Variants in TRIM4 observed in about 807,000 individuals in gnomAD.
TRIM4 encodes the protein E3 ubiquitin-protein ligase TRIM4.
A neutral mutation model predicts 33.7 loss-of-function variants in TRIM4; 29 were observed. The observed-to-expected ratio is 0.86, with a 90% CI of 0.64 to 1.17. TRIM4 has a LOEUF of 1.17. TRIM4 is among the 50% of genes most tolerant of loss of function. The probability of loss-of-function intolerance (pLI) is 0.00; values close to 1 mark genes in which losing one functional copy is unlikely to be tolerated. For synonymous variants in TRIM4, 224 were observed against 233.0 expected (o/e 0.96, Z 0.35); for missense variants, 554 against 593.7 (o/e 0.93, Z 0.69).
chr7:99,906,607 A>T (rs531486074), intron 3 of TRIM4, among the ~76,000 whole-genome samples: 135 of 152,328 alleles, frequency 8.9e-4, no homozygotes, highest in Non-Finnish European at 1.6e-3. Flanking sequence ...CAGCAAACAA[A>T]GGGGTAAATA....
In TRIM4 at chr7:99,890,403, TA is replaced by T. The variant is rs1229067315; in HGVS notation, c.*1759del. The T allele has an allele frequency of 6.6e-6, 1 of 152,152 alleles. No individual in the cohort carries two copies. Among genetic ancestry groups the T allele is most frequent in the South Asian group, 2.1e-4 (1 of 4,828 alleles). 9.4% of individuals were successfully genotyped at this position (152,152 alleles called of 1,614,324 possible). A position where few individuals can be genotyped will look rare whatever the true frequency, so the allele number is the denominator to read the frequency against. On this transcript the variant is annotated 3_prime_UTR_variant, in exon 6 of 6. Transcript: ENST00000349062. Reference sequence around the variant, plus strand: ...AATACCCAAAGACATCATTCAACCATAGAGACATATGCATGTATATATTCAT... The same window carrying T: ...AATACCCAAAGACATCATTCAACCATGAGACATATGCATGTATATATTCAT...
chr7:99,900,878 A>G (rs559317865), intron 5 of TRIM4, among the ~76,000 whole-genome samples: 1 of 152,146 alleles, frequency 6.6e-6, no homozygotes, highest in East Asian at 1.9e-4. Context: ...TCTTTTTAAC[A>G]CTGGTTTCCA....
intron 1 of TRIM4, among the ~76,000 whole-genome samples, chr7:99,915,746 CACCTACGAAGTCA>C (rs1819542920): frequency 6.6e-6 from 1 of 152,202 alleles, no homozygotes; most frequent in African/African-American, 2.4e-5. Context: ...GGCTCCTGAA[CACCTACGAAGTCA>C]ACCTTGTGAC....
chr7:99,894,310 A>G (rs1027596936), intron 5 of TRIM4, among the ~76,000 whole-genome samples: 3 of 152,198 alleles, frequency 2.0e-5, no homozygotes, highest in Admixed American at 6.5e-5. Context: ...TCAATTTTCA[A>G]TAGGAGTTCT....
chr7:99,896,465 T>A (rs1187124104), intron 5 of TRIM4, among the ~76,000 whole-genome samples: 1 of 152,258 alleles, frequency 6.6e-6, no homozygotes, highest in Non-Finnish European at 1.5e-5. Context: ...ATAATCTGCA[T>A]GCTTTTTACA....
intron 1 of TRIM4, among the ~76,000 whole-genome samples, chr7:99,911,676 G>A (rs1384066953): frequency 6.6e-6 from 1 of 152,152 alleles, no homozygotes; most frequent in Non-Finnish European, 1.5e-5. Context: ...TGGAGCAACT[G>A]GAACTCTTAC....
In TRIM4 at chr7:99,892,229, G is replaced by C; in HGVS notation, c.1359C>G (p.Leu453=). The C allele has an allele frequency of 1.2e-6, 2 of 1,614,128 alleles. No individual in the cohort carries two copies. Among genetic ancestry groups the C allele is most frequent in the Non-Finnish European group, 1.7e-6 (2 of 1,180,028 alleles). Residue 453 remains leucine, a synonymous_variant, in exon 6 of 6, where the codon CTC becomes CTG. Transcript: ENST00000349062. ...HTFSCSSVSR[L]RPFFWLSPLA... Reference sequence around the variant, plus strand: ...ATGGACTCAACCAAAAAAATGGCCGGAGGCGTGAGACAGAAGAACAAGAAA... The same window carrying C: ...ATGGACTCAACCAAAAAAATGGCCGCAGGCGTGAGACAGAAGAACAAGAAA...
At chr7:99,911,241 T>C (rs1819435702) in intron 1 of TRIM4, among the ~76,000 whole-genome samples, 2 of 152,136 alleles carry the variant, frequency 1.3e-5, no homozygotes. Flanking sequence ...GGATCAAGGC[T>C]AGAACTGGCA....
chr7:99,906,735 C>T (rs1183338928), intron 3 of TRIM4, among the ~76,000 whole-genome samples: 1 of 152,028 alleles, frequency 6.6e-6, no homozygotes, highest in Non-Finnish European at 1.5e-5. Flanking sequence ...TCCCCGAACA[C>T]TTTGGGAGAT....
At position 99,918,282 on chromosome 7, in the gene TRIM4, T is replaced by C. The variant is rs868185945; in HGVS notation, c.393+727A>G. ...TGAAAAAGGAGTATAAAATATCTCA[T>C]TGAGGCCGGGCGTGGTGACTCACAC... On this transcript the variant is annotated intron_variant, in intron 1 of 5. Transcript: ENST00000349062. Among the ~76,000 whole-genome samples the C allele has an allele frequency of 3.3e-5, 5 of 152,190 alleles. No homozygotes were observed. The South Asian group carries it at 1.0e-3, about 31-fold the overall frequency.
chr7:99,897,101 A>G (rs1819033053), intron 5 of TRIM4, among the ~76,000 whole-genome samples: 2 of 152,248 alleles, frequency 1.3e-5, no homozygotes, highest in Admixed American at 6.5e-5. Flanking sequence ...AGTTAGGACT[A>G]TCATGACTAA....
At chr7:99,907,073 C>A (rs1452363919) in intron 3 of TRIM4, among the ~76,000 whole-genome samples, 1 of 152,114 alleles carries the variant, frequency 6.6e-6, no homozygotes, top group Non-Finnish European at 1.5e-5. Flanking sequence ...TACAGTAGTT[C>A]TCTCAGGCTC....
chr7:99,900,212 G>A (rs1413633283), intron 5 of TRIM4, among the ~76,000 whole-genome samples: 7 of 152,226 alleles, frequency 4.6e-5, no homozygotes, highest in East Asian at 3.8e-4. Flanking sequence ...AAGGCCATTA[G>A]GCAGGAAGAG....
At chr7:99,908,221 G>A (rs1363462285) in intron 3 of TRIM4, 2 of 174,848 alleles carry the variant, frequency 1.1e-5, no homozygotes, top group Non-Finnish European at 2.4e-5. Context: ...TCTCTTAATT[G>A]TTGATAACAG....
At chr7:99,909,133 GGTGTGTGTGTGT>G (rs140032652) in intron 2 of TRIM4, among the ~76,000 whole-genome samples, 2 of 148,410 alleles carry the variant, frequency 1.3e-5, no homozygotes, top group African/African-American at 5.0e-5. Flanking sequence ...GGAGTGTGAG[GGTGTGTGTGTGT>G]GTGTGTGTGT....
rs780704246 is a variant in TRIM4, at chr7:99,890,954, G to A, written c.*1209C>T. On this transcript the variant is annotated 3_prime_UTR_variant, in exon 6 of 6. Coordinates refer to ENST00000349062, the MANE Select transcript of TRIM4 (RefSeq NM_033091.3). Reference sequence around the variant, plus strand: ...TGGGAGAAAATATATTGAAATGTTAGTAGTGCATAACTTTAATTTTTATAC... The same window carrying A: ...TGGGAGAAAATATATTGAAATGTTAATAGTGCATAACTTTAATTTTTATAC... The A allele has an allele frequency of 1.3e-5, 2 of 152,142 alleles. No homozygotes were observed. Among genetic ancestry groups the A allele is most frequent in the Non-Finnish European group, 2.9e-5 (2 of 68,010 alleles). 9.4% of individuals were successfully genotyped at this position (152,142 alleles called of 1,614,324 possible).
intron 1 of TRIM4, among the ~76,000 whole-genome samples, chr7:99,911,795 G>A (rs552332666): frequency 3.7e-4 from 56 of 152,258 alleles, no homozygotes; most frequent in Admixed American, 5.9e-4. Flanking sequence ...CTAGACCCTG[G>A]AAAAATGAAA....
At position 99,908,656 on chromosome 7, in the gene TRIM4, TTTGA is replaced by T. The variant is rs780607265; in HGVS notation, c.642_645del (p.Asn214LysfsTer6). 4.3e-6 allele frequency: 7 copies of T among 1,614,154 alleles called. No individual in the cohort carries two copies. The highest frequency in any genetic ancestry group is 1.1e-5 in the South Asian group (1 of 91,080). On this transcript the variant is annotated frameshift_variant, in exon 3 of 6. Coordinates refer to ENST00000349062, the MANE Select transcript of TRIM4 (RefSeq NM_033091.3). LOFTEE classifies it high-confidence loss of function. ...ATGAGCTTCTTCAATGAAGCGATAG[TTTGA>T]TTGAGTTTTAACGTGTTCTCATTCA...
intron 5 of TRIM4, among the ~76,000 whole-genome samples, chr7:99,899,402 C>T (rs1206704409): frequency 6.6e-6 from 1 of 152,192 alleles, no homozygotes; most frequent in African/African-American, 2.4e-5. Context: ...CCTGGACTGC[C>T]CTGCATGTAG....
Sources: allele counts gnomAD v4.1 joint callset (sites outside exome capture counted in the v4.1 genomes callset), GRCh38; gene constraint gnomAD v4.1.1; transcripts MANE v1.5; gene names NCBI Gene and HGNC (gene_info 2026-07-23, HGNC 2026-07-21).